CDC42: variants seen among roughly 807,000 people sequenced by gnomAD.
CDC42 encodes the protein cell division control protein 42 homolog.
In CDC42, 1 loss-of-function variant was observed where a neutral mutation model predicts 20.8. The observed-to-expected ratio is 0.05, with a 90% CI of 0.02 to 0.23. The LOEUF (loss-of-function observed/expected upper bound fraction) is 0.23, where lower values mean the gene tolerates loss of function less well. Ranked by LOEUF, CDC42 falls within the 10% of genes least tolerant of loss-of-function variation. The pLI is 1.00. For missense variants in CDC42, 49 were observed against 227.9 expected (o/e 0.21, Z 5.05); for synonymous variants, 72 against 84.8 (o/e 0.85, Z 0.83).
At chr1:22,062,472 C>T (rs1454459540) in intron 1 of CDC42, among the ~76,000 whole-genome samples, 2 of 152,086 alleles carry the variant, frequency 1.3e-5, no homozygotes, top group African/African-American at 4.8e-5. Flanking sequence ...TTTAGGATTT[C>T]TGATATAGGC....
At chr1:22,054,133 T>C (rs1645268948) in intron 1 of CDC42, among the ~76,000 whole-genome samples, 1 of 152,202 alleles carries the variant, frequency 6.6e-6, no homozygotes, top group Non-Finnish European at 1.5e-5. Context: ...AGTTTTGTTA[T>C]TAAAAACGAG....
chr1:22,094,936 G>A lies in CDC42; in HGVS notation c.*3419G>A, dbSNP rs749812487. 6.6e-6 allele frequency among the ~76,000 whole-genome samples: 1 copy of A among 152,150 alleles called. No individual in the cohort carries two copies. The highest frequency in any genetic ancestry group is 1.5e-5 in the Non-Finnish European group (1 of 68,018). On this transcript the variant is annotated 3_prime_UTR_variant, in exon 6 of 6. Transcript: ENST00000656825. ...TTCCTTTTCTTCTTCCATTTGTGAG[G>A]TAAATTAGTGGTTATTTTGGTGCTG... is the stretch of plus-strand genomic sequence containing the variant.
At chr1:22,078,814 C>G in intron 2 of CDC42, 1 of 1,431,328 alleles carries the variant, frequency 7.0e-7, no homozygotes, top group Non-Finnish European at 9.2e-7. Context: ...AGGCAAAACT[C>G]CAGTAGACAA....
chr1:22,071,290 C>T lies in CDC42; in HGVS notation c.-50-7139C>T, dbSNP rs545374499. On this transcript the variant is annotated intron_variant, in intron 1 of 5. Transcript: ENST00000656825. The stretch of plus-strand genomic sequence containing the variant: ...CGATCTCCTGACCTCGTGATCCATC[C>T]GCCTCGGCCTCCCAAAGTGCTGGGA... Among the ~76,000 whole-genome samples the T allele has an allele frequency of 1.3e-4, 19 of 151,798 alleles. No individual in the cohort carries two copies. In the East Asian group the frequency reaches 1.4e-3, roughly 11 times the overall value.
chr1:22,086,898 A>G (rs1302994348), intron 5 of CDC42, 32 bp downstream of exon 5: 2 of 1,561,886 alleles, frequency 1.3e-6, no homozygotes, highest in Admixed American at 1.7e-5. Context: ...ATGTGTATTT[A>G]TGGTCGAGTC....
chr1:22,092,710 T>A lies in CDC42; in HGVS notation c.*1193T>A, dbSNP rs1645729783. 6.6e-6 allele frequency: 1 copy of A among 152,630 alleles called. No homozygotes were observed. Among genetic ancestry groups the A allele is most frequent in the African/African-American group, 2.4e-5 (1 of 41,462 alleles). 9.5% of individuals were successfully genotyped at this position (152,630 alleles called of 1,614,324 possible). A position where few individuals can be genotyped will look rare whatever the true frequency, so the allele number is the denominator to read the frequency against. ...AGAGCAGCCAGGTGAGGCTCTCTAG[T>A]TTAATAAAAATCATGGAAAGACTCT... On this transcript the variant is annotated 3_prime_UTR_variant, in exon 6 of 6. Coordinates refer to ENST00000656825, the MANE Select transcript of CDC42 (RefSeq NM_001791.4).
rs1430423471 is a variant in CDC42, at chr1:22,101,048, C to T, written c.*9531C>T. The stretch of plus-strand genomic sequence containing the variant: ...GGTGGGCAGGCACCTGTGAATTCTT[C>T]ACTGGCTTCTTGTAAGAATGACTTT... On this transcript the variant is annotated 3_prime_UTR_variant, in exon 6 of 6. Coordinates refer to ENST00000656825, the MANE Select transcript of CDC42 (RefSeq NM_001791.4). 1 of 152,254 alleles carries T rather than the reference C, an allele frequency of 6.6e-6. No homozygotes were observed. The highest frequency in any genetic ancestry group is 2.4e-5 in the African/African-American group (1 of 41,450). The allele number at this position is 152,254 out of a possible 1,614,324, so 9.4% of individuals were successfully genotyped here.
intron 5 of CDC42, chr1:22,090,521 G>T: frequency 1.0e-6 from 1 of 987,474 alleles, no homozygotes; most frequent in Non-Finnish European, 1.2e-6. Flanking sequence ...CCTTTGTGCG[G>T]TGAAACTTTG....
At position 22,078,419 on chromosome 1, in the gene CDC42, C is replaced by G. The variant is rs572342695; in HGVS notation, c.-50-10C>G. 6 of 1,274,552 alleles carry G rather than the reference C, an allele frequency of 4.7e-6. No homozygotes were observed. In the African/African-American group the frequency reaches 5.9e-5, roughly 13 times the overall value. The allele number at this position is 1,274,552 out of a possible 1,614,324, so 79.0% of individuals were successfully genotyped here. On this transcript the variant is annotated splice_polypyrimidine_tract_variant and intron_variant, in intron 1 of 5. Coordinates refer to ENST00000656825, the MANE Select transcript of CDC42 (RefSeq NM_001791.4). ...GTATAAATAAACAAATGTCTTTAAT[C>G]TTTTTGCAGGTCATCATCAGATTTG...
chr1:22,085,429 A>G (rs962304360), intron 3 of CDC42, among the ~76,000 whole-genome samples: 6 of 151,916 alleles, frequency 3.9e-5, no homozygotes, highest in Admixed American at 6.6e-5. Context: ...TATTTTGTCT[A>G]TTGTCCCTTG....
At chr1:22,086,976 C>A in intron 5 of CDC42, 110 bp downstream of exon 5, 2 of 862,280 alleles carry the variant, frequency 2.3e-6, no homozygotes, top group Non-Finnish European at 1.9e-6. Context: ...AGATGCCCAG[C>A]AAGAATATGA....
intron 4 of CDC42, 29 bp downstream of exon 4, chr1:22,086,577 G>A (rs1184542947): frequency 6.3e-7 from 1 of 1,585,546 alleles, no homozygotes. Context: ...CTTGCCCTAA[G>A]AAGATCATCT....
chr1:22,087,736 T>A (rs1645675229), intron 5 of CDC42, among the ~76,000 whole-genome samples: 1 of 152,220 alleles, frequency 6.6e-6, no homozygotes, highest in South Asian at 2.1e-4. Flanking sequence ...ATAATTATAT[T>A]AAACTCATTA....
rs1432988343 is a variant in CDC42, at chr1:22,100,376, C to T, written c.*8859C>T. On this transcript the variant is annotated 3_prime_UTR_variant, in exon 6 of 6. Transcript: ENST00000656825. ...CATTTGTCAAATGGTAAAACTGAGG[C>T]GAAACAACTTGGCATTGTTGGTGTT... 2.0e-5 allele frequency among the ~76,000 whole-genome samples: 3 copies of T among 152,100 alleles called. No individual in the cohort carries two copies. Among genetic ancestry groups the T allele is most frequent in the Admixed American group, 6.5e-5 (1 of 15,274 alleles).
At chr1:22,059,434 A>G (rs1302379282) in intron 1 of CDC42, 1 of 152,268 alleles carries the variant, frequency 6.6e-6, no homozygotes, top group Non-Finnish European at 1.5e-5. Flanking sequence ...TAGCTTGTCA[A>G]ATGTAAACAT....
chr1:22,075,230 C>T (rs984642966), intron 1 of CDC42, among the ~76,000 whole-genome samples: 1 of 152,208 alleles, frequency 6.6e-6, no homozygotes, highest in African/African-American at 2.4e-5. Flanking sequence ...TTTTATTTAA[C>T]ACATGAAACA....
Position 22,087,876 on chromosome 1 carries a change from A to G in CDC42, c.486+1010A>G, listed in dbSNP as rs560035027. Reference sequence around the variant, plus strand: ...ATTACTTATTACATATGCACTAGGTATTTAGTTTATAGGGCCTAGTGCATA... The same window carrying G: ...ATTACTTATTACATATGCACTAGGTGTTTAGTTTATAGGGCCTAGTGCATA... On this transcript the variant is annotated intron_variant, in intron 5 of 5. Transcript: ENST00000656825. Among the ~76,000 whole-genome samples, 41 of 152,284 alleles carry G rather than the reference A, an allele frequency of 2.7e-4. 1 individual carries two copies. The South Asian group carries it at 6.6e-3, about 25-fold the overall frequency.
intron 5 of CDC42, chr1:22,089,850 T>C: frequency 2.4e-6 from 3 of 1,233,210 alleles, no homozygotes; most frequent in Non-Finnish European, 3.4e-6. Context: ...TTCTGTGAAT[T>C]CAGCTCATTT....
intron 1 of CDC42, 138 bp downstream of exon 1, chr1:22,052,880 G>C (rs1420105175): frequency 6.6e-6 from 1 of 152,342 alleles, no homozygotes; most frequent in East Asian, 1.9e-4. Context: ...TTGTGGGGGA[G>C]TGCCCGGCTC....
Sources: allele counts gnomAD v4.1 joint callset (sites outside exome capture counted in the v4.1 genomes callset), GRCh38; gene constraint gnomAD v4.1.1; transcripts MANE v1.5; gene names NCBI Gene and HGNC (gene_info 2026-07-23, HGNC 2026-07-21).